The following KCNK10 variants were observed in gnomAD, a reference collection of about 807,000 sequenced individuals.
KCNK10 encodes potassium two pore domain channel subfamily K member 10, also known as potassium channel subfamily K member 10.
In KCNK10, 25 loss-of-function variants were observed where a neutral mutation model predicts 47.7. The ratio of observed to expected loss-of-function variants is 0.52; its 90% CI spans 0.38 to 0.73. The LOEUF is 0.73. KCNK10 is among the 30% of genes least tolerant of loss of function. KCNK10 has a pLI of 0.00. For synonymous variants in KCNK10, 303 were observed against 285.6 expected (o/e 1.06, Z -0.61); for missense variants, 563 against 714.5 (o/e 0.79, Z 2.42).
intron 1 of KCNK10, among the ~76,000 whole-genome samples, chr14:88,278,575 G>A (rs574032803): frequency 4.6e-5 from 7 of 152,292 alleles, no homozygotes; most frequent in East Asian, 3.9e-4. Context: ...CAAGATCTTC[G>A]TAAACAGCAA....
chr14:88,263,540 C>A lies in KCNK10; in HGVS notation c.64G>T (p.Ala22Ser), dbSNP rs975831463. 1 of 1,610,276 alleles carries A rather than the reference C, an allele frequency of 6.2e-7. No individual in the cohort carries two copies. Among genetic ancestry groups the A allele is most frequent in the South Asian group, 1.1e-5 (1 of 91,008 alleles). The change falls in exon 2 of 7, where the codon GCA becomes TCA. Residue 22 changes from alanine (A) to serine (S), a missense_variant. By Grantham distance (99) the Ala-to-Ser change is moderately conservative (BLOSUM62 1). Coordinates refer to ENST00000319231, the MANE Select transcript of KCNK10 (RefSeq NM_138317.3). Reference sequence around the variant, plus strand: ...TTGGGCTGGCACACCGGTGCTGCTGCGGGAACGGCCACTGAGGAGTCAGGG... The same window carrying A: ...TTGGGCTGGCACACCGGTGCTGCTGAGGGAACGGCCACTGAGGAGTCAGGG... The part of the protein sequence containing the change: ...VNWDPKVAVP[A>S]AAPVCQPKSA...
chr14:88,242,153 A>G (rs1353736032), intron 2 of KCNK10, among the ~76,000 whole-genome samples: 3 of 152,216 alleles, frequency 2.0e-5, no homozygotes, highest in African/African-American at 7.2e-5. Context: ...CATTTATCCT[A>G]AGTAATGCCC....
intron 1 of KCNK10, among the ~76,000 whole-genome samples, chr14:88,318,413 T>G (rs1888472730): frequency 6.6e-6 from 1 of 152,096 alleles, no homozygotes; most frequent in Non-Finnish European, 1.5e-5. Flanking sequence ...ATGTCACCCA[T>G]GAGTAAGTGA....
At chr14:88,317,064 T>G (rs1888442647) in intron 1 of KCNK10, among the ~76,000 whole-genome samples, 1 of 152,100 alleles carries the variant, frequency 6.6e-6, no homozygotes, top group African/African-American at 2.4e-5. Flanking sequence ...ATGGTGAAGC[T>G]CCTTAGACAC....
intron 2 of KCNK10, among the ~76,000 whole-genome samples, chr14:88,246,736 A>G (rs368414489): frequency 4.6e-5 from 7 of 152,324 alleles, no homozygotes; most frequent in African/African-American, 1.7e-4. Flanking sequence ...CTCTTGCAAC[A>G]GGGAAAGTTC....
At chr14:88,220,416 CAAAAAAAAAAAAAAAAAAAA>C (rs58562095) in intron 4 of KCNK10, among the ~76,000 whole-genome samples, 372 of 30,158 alleles carry the variant, frequency 0.012, 4 homozygotes, top group African/African-American at 0.051. Context: ...GACTCCGTCT[CAAAAAAAAAAAAAAAAAAAA>C]AAAAAAAAAA....
chr14:88,248,786 A>C (rs748759469), intron 2 of KCNK10, among the ~76,000 whole-genome samples: 9 of 152,122 alleles, frequency 5.9e-5, no homozygotes, highest in Non-Finnish European at 1.2e-4. Context: ...CTTAAGAATG[A>C]GTCACCAAAT....
At chr14:88,303,856 C>A (rs3994046) in intron 1 of KCNK10, among the ~76,000 whole-genome samples, 28,300 of 152,054 alleles carry the variant, frequency 0.19, 2,848 homozygotes, top group Admixed American at 0.25. Flanking sequence ...AAAAAACTCC[C>A]TCCAATGTGA....
At chr14:88,275,739 T>C (rs1204900743) in intron 1 of KCNK10, among the ~76,000 whole-genome samples, 2 of 147,620 alleles carry the variant, frequency 1.4e-5, no homozygotes, top group African/African-American at 5.0e-5. Flanking sequence ...TAGTGGTGCA[T>C]GCTTGTAATC....
chr14:88,310,205 G>GATATACCATATC (rs1888292389), intron 1 of KCNK10, among the ~76,000 whole-genome samples: 1 of 42,340 alleles, frequency 2.4e-5, no homozygotes, highest in Non-Finnish European at 6.1e-5. Flanking sequence ...TATGGTATAT[G>GATATACCATATC]ATATACCATA....
chr14:88,212,038 C>T (rs1409447818), intron 4 of KCNK10, among the ~76,000 whole-genome samples: 1 of 151,130 alleles, frequency 6.6e-6, no homozygotes, highest in Non-Finnish European at 1.5e-5. Context: ...GTATGGCACT[C>T]CCTTCTGAAG....
At chr14:88,187,503 T>C (rs1180498721) in intron 6 of KCNK10, among the ~76,000 whole-genome samples, 1 of 152,082 alleles carries the variant, frequency 6.6e-6, no homozygotes, top group African/African-American at 2.4e-5. Context: ...AAGAGGCCCA[T>C]TGGGCTCACT....
chr14:88,225,685 A>G (rs1885959593), intron 4 of KCNK10, among the ~76,000 whole-genome samples: 1 of 152,230 alleles, frequency 6.6e-6, no homozygotes. Context: ...GAAGCTACAT[A>G]AAAATAAAAA....
chr14:88,326,746 C>A, upstream of KCNK10: 2 of 430,934 alleles, frequency 4.6e-6, no homozygotes, highest in Non-Finnish European at 8.2e-6. Flanking sequence ...AGTTGCCCCA[C>A]CACTTTAATG....
At chr14:88,234,350 TAA>T (rs1436128137) in intron 3 of KCNK10, among the ~76,000 whole-genome samples, 2 of 152,210 alleles carry the variant, frequency 1.3e-5, no homozygotes, top group Admixed American at 6.5e-5. Flanking sequence ...ATAATTAGAT[TAA>T]GAGTGTTTCT....
chr14:88,305,785 A>G (rs1888192301), intron 1 of KCNK10, among the ~76,000 whole-genome samples: 1 of 152,230 alleles, frequency 6.6e-6, no homozygotes, highest in Non-Finnish European at 1.5e-5. Flanking sequence ...GAAGGCAGCC[A>G]AGAAAACCAA....
chr14:88,287,709 G>A (rs1887795801), intron 1 of KCNK10, among the ~76,000 whole-genome samples: 1 of 116,300 alleles, frequency 8.6e-6, no homozygotes, highest in Admixed American at 8.5e-5. Context: ...GTGTGTGTGT[G>A]TGTGTGTGTG....
Position 88,263,343 on chromosome 14 carries a change from G to A in KCNK10, c.261C>T (p.Tyr87=), listed in dbSNP as rs1027903599. 6.2e-7 allele frequency: 1 copy of A among 1,613,870 alleles called. No individual in the cohort carries two copies. The highest frequency in any genetic ancestry group is 1.3e-5 in the African/African-American group (1 of 75,054). Residue 87 remains tyrosine (Y), a synonymous_variant, in exon 2 of 7, where the codon TAC becomes TAT. Coordinates refer to ENST00000319231, the MANE Select transcript of KCNK10 (RefSeq NM_138317.3). ...GGAAGACAAGACCGCCAGTGACAAG[G>A]TAGACCACCACAACCACAAAGATGG... ...VVAIFVVVVV[Y]LVTGGLVFRA...
chr14:88,297,072 A>G (rs573030802), intron 1 of KCNK10, among the ~76,000 whole-genome samples: 10 of 152,350 alleles, frequency 6.6e-5, no homozygotes, highest in African/African-American at 2.4e-4. Flanking sequence ...AGAAACATAC[A>G]AAGTACAAAA....
Sources: allele counts gnomAD v4.1 joint callset (sites outside exome capture counted in the v4.1 genomes callset), GRCh38; gene constraint gnomAD v4.1.1; transcripts MANE v1.5; gene names NCBI Gene and HGNC (gene_info 2026-07-23, HGNC 2026-07-21).